Variants in PDE10A observed in about 807,000 individuals in gnomAD.
PDE10A encodes cAMP and cAMP-inhibited cGMP 3',5'-cyclic phosphodiesterase 10A.
In PDE10A, 39 loss-of-function variants were observed where a neutral mutation model predicts 97.7. The ratio of observed to expected loss-of-function variants is 0.40; its 90% CI spans 0.31 to 0.52. The LOEUF is 0.52. Ranked by LOEUF, PDE10A falls within the 20% of genes least tolerant of loss-of-function variation. The pLI is 0.56. For synonymous variants in PDE10A, 371 were observed against 376.8 expected (o/e 0.98, Z 0.18); for missense variants, 731 against 1,047.8 (o/e 0.70, Z 4.17).
At chr6:165,489,681 A>G (rs1780113394) in intron 2 of PDE10A, among the ~76,000 whole-genome samples, 1 of 152,216 alleles carries the variant, frequency 6.6e-6, no homozygotes, top group African/African-American at 2.4e-5. Flanking sequence ...AATCCAACTT[A>G]AAGAAATCAA....
chr6:165,848,363 G>A (rs1780481050), intron 1 of PDE10A, among the ~76,000 whole-genome samples: 1 of 152,102 alleles, frequency 6.6e-6, no homozygotes, highest in Non-Finnish European at 1.5e-5. Flanking sequence ...GTGGCATCAG[G>A]AGTGCCTGTG....
At chr6:165,911,161 C>T (rs897792350) in intron 1 of PDE10A, among the ~76,000 whole-genome samples, 2 of 152,050 alleles carry the variant, frequency 1.3e-5, no homozygotes, top group Non-Finnish European at 2.9e-5. Context: ...TTGTACCAAC[C>T]TAATAATACA....
chr6:165,366,804 C>G (rs1156598641), intron 18 of PDE10A, among the ~76,000 whole-genome samples: 1 of 152,074 alleles, frequency 6.6e-6, no homozygotes, highest in African/African-American at 2.4e-5. Flanking sequence ...TGGAACCACC[C>G]AACTAAAGCT....
intron 4 of PDE10A, among the ~76,000 whole-genome samples, chr6:165,449,945 T>C (rs190332192): frequency 1.3e-5 from 2 of 152,284 alleles, no homozygotes; most frequent in Admixed American, 1.3e-4. Context: ...TTTATAAAGA[T>C]GTGATTTAAT....
chr6:165,594,562 A>G (rs546337310), intron 1 of PDE10A, among the ~76,000 whole-genome samples: 4 of 152,328 alleles, frequency 2.6e-5, no homozygotes, highest in South Asian at 2.1e-4. Context: ...AATTCAAGCT[A>G]TAAATATAGA....
At chr6:165,583,977 G>A (rs565280174) in intron 1 of PDE10A, among the ~76,000 whole-genome samples, 1 of 152,318 alleles carries the variant, frequency 6.6e-6, no homozygotes, top group Admixed American at 6.5e-5. Context: ...ACTGGAAGTT[G>A]AGACTGCCAC....
chr6:165,527,609 G>A (rs746634036), intron 2 of PDE10A, among the ~76,000 whole-genome samples: 5 of 152,176 alleles, frequency 3.3e-5, no homozygotes, highest in African/African-American at 7.2e-5. Flanking sequence ...GTCATCATGC[G>A]ACCTGAACTG....
chr6:165,985,809 T>C (rs560716600), intron 1 of PDE10A, among the ~76,000 whole-genome samples: 1 of 152,176 alleles, frequency 6.6e-6, no homozygotes, highest in African/African-American at 2.4e-5. Flanking sequence ...CTGTCCCCAG[T>C]CAATACCTCT....
intron 1 of PDE10A, among the ~76,000 whole-genome samples, chr6:165,654,410 G>C (rs1416249752): frequency 6.6e-6 from 1 of 151,618 alleles, no homozygotes; most frequent in Non-Finnish European, 1.5e-5. Flanking sequence ...TGGCCACAGT[G>C]CTGTCCAATT....
chr6:165,547,138 T>G (rs935412361), intron 1 of PDE10A, among the ~76,000 whole-genome samples: 1 of 152,148 alleles, frequency 6.6e-6, no homozygotes, highest in Non-Finnish European at 1.5e-5. Context: ...AAAGCAATTG[T>G]GTATATTTGA....
At chr6:165,500,272 T>C (rs1426860251) in intron 2 of PDE10A, among the ~76,000 whole-genome samples, 3 of 152,012 alleles carry the variant, frequency 2.0e-5, no homozygotes, top group African/African-American at 7.3e-5. Context: ...TACTCACAGA[T>C]GGCATTGTGC....
intron 1 of PDE10A, among the ~76,000 whole-genome samples, chr6:165,586,674 G>GA (rs1466505180): frequency 1.3e-5 from 2 of 152,084 alleles, no homozygotes; most frequent in Non-Finnish European, 2.9e-5. Flanking sequence ...AGTTTACTAA[G>GA]AAAACCACAA....
chr6:165,920,541 C>A (rs1326190621), intron 1 of PDE10A, among the ~76,000 whole-genome samples: 3 of 141,034 alleles, frequency 2.1e-5, no homozygotes, highest in African/African-American at 8.4e-5. Context: ...TAAGACTGGG[C>A]TTACACACAC....
intron 3 of PDE10A, among the ~76,000 whole-genome samples, chr6:165,459,844 TGG>T (rs2128257547): frequency 6.6e-6 from 1 of 152,016 alleles, no homozygotes; most frequent in East Asian, 1.9e-4. Flanking sequence ...GCTTTAACTG[TGG>T]GAAGCATGCT....
intron 1 of PDE10A, among the ~76,000 whole-genome samples, chr6:165,908,447 A>G (rs573337092): frequency 3.3e-5 from 5 of 152,324 alleles, no homozygotes; most frequent in African/African-American, 7.2e-5. Context: ...AGAGTACTCA[A>G]TTTTGCTGGG....
chr6:165,819,452 T>G lies in PDE10A; in HGVS notation c.-615+168077A>C, dbSNP rs1302245788. Among the ~76,000 whole-genome samples, 1 of 152,186 alleles carries G rather than the reference T, an allele frequency of 6.6e-6. No homozygotes were observed. Among genetic ancestry groups the G allele is most frequent in the Non-Finnish European group, 1.5e-5 (1 of 68,026 alleles). On this transcript the variant is annotated intron_variant, in intron 1 of 19. Transcript: ENST00000366882. This position sits in a 1 kb window ranked among gnomAD's most constrained non-coding sequence, Gnocchi z 4.2. ...TGCAATCCGTCCTCCAGACGGCCGCTGGCACCACTCTCCGAGACACGCTTG... is the reference window on the plus strand; with the variant it reads ...TGCAATCCGTCCTCCAGACGGCCGCGGGCACCACTCTCCGAGACACGCTTG...
chr6:165,870,126 C>T (rs1021028746), intron 1 of PDE10A, among the ~76,000 whole-genome samples: 5 of 152,054 alleles, frequency 3.3e-5, no homozygotes, highest in Non-Finnish European at 7.4e-5. Context: ...AAGCTTTGCA[C>T]TGCCAGGAAA....
At chr6:165,583,775 G>A (rs182692682) in intron 1 of PDE10A, among the ~76,000 whole-genome samples, 47 of 152,258 alleles carry the variant, frequency 3.1e-4, no homozygotes, top group African/African-American at 1.0e-3. Flanking sequence ...GTATGATACC[G>A]TTTCTCCCAT....
At chr6:165,811,869 T>G (rs986547800) in intron 1 of PDE10A, among the ~76,000 whole-genome samples, 4 of 151,930 alleles carry the variant, frequency 2.6e-5, no homozygotes, top group African/African-American at 9.7e-5. Flanking sequence ...TTTTTATTTT[T>G]TTGAGACGGA....
Sources: gnomAD v4.1 joint callset for allele counts (sites outside exome capture counted in the v4.1 genomes callset) on GRCh38, gnomAD v4.1.1 for gene constraint, Gnocchi (gnomAD v3.1) non-coding constraint, MANE v1.5 for transcripts, NCBI Gene and HGNC (gene_info 2026-07-23, HGNC 2026-07-21) for gene names.